The following SNX29 variants were observed in gnomAD, a reference collection of about 807,000 sequenced individuals.
The protein encoded by SNX29 is sorting nexin-29.
In SNX29, 78 loss-of-function variants were observed where a neutral mutation model predicts 102.1. The observed-to-expected ratio is 0.76, with a 90% confidence interval of 0.64 to 0.92. The LOEUF (loss-of-function observed/expected upper bound fraction) is 0.92, where lower values mean the gene tolerates loss of function less well. Ranked by LOEUF, SNX29 falls within the 40% of genes least tolerant of loss-of-function variation. SNX29 has a pLI of 0.00. For missense variants in SNX29, 1,280 were observed against 1,061.7 expected (o/e 1.21, Z -2.86); for synonymous variants, 580 against 414.5 (o/e 1.40, Z -4.85).
intron 10 of SNX29, among the ~76,000 whole-genome samples, chr16:12,077,389 GT>G (rs1316317858): frequency 7.9e-5 from 6 of 76,030 alleles, no homozygotes; most frequent in African/African-American, 1.3e-4. Flanking sequence ...TAGTCATGGT[GT>G]GTGTGTGTGT....
intron 14 of SNX29, among the ~76,000 whole-genome samples, chr16:12,213,083 C>T (rs1176790536): frequency 2.6e-4 from 39 of 152,156 alleles, no homozygotes; most frequent in Admixed American, 2.6e-3. Flanking sequence ...CACTGCACTC[C>T]AGCCTGGGTG....
chr16:12,433,083 C>T (rs528958080), intron 18 of SNX29, among the ~76,000 whole-genome samples: 1 of 152,282 alleles, frequency 6.6e-6, no homozygotes, highest in African/African-American at 2.4e-5. Context: ...GGAAACAAAA[C>T]CAATCACATG....
chr16:12,538,783 C>T (rs901706462), intron 20 of SNX29, among the ~76,000 whole-genome samples: 4 of 152,138 alleles, frequency 2.6e-5, no homozygotes, highest in South Asian at 4.1e-4. Context: ...GTCACATCGC[C>T]AAGGGGGATT....
chr16:12,052,229 T>C lies in SNX29; in HGVS notation c.1124+7T>C. The C allele has an allele frequency of 1.2e-6, 2 of 1,613,606 alleles. No homozygotes were observed. Among genetic ancestry groups the C allele is most frequent in the Non-Finnish European group, 1.7e-6 (2 of 1,179,778 alleles). On this transcript the variant is annotated splice_region_variant and intron_variant, in intron 8 of 20. Coordinates refer to ENST00000566228, the MANE Select transcript of SNX29 (RefSeq NM_032167.5). Reference sequence around the variant, plus strand: ...ACTCGGAGTCGCCCGAGAAGTAAGTTTGTGTGTAAGGTGGAGTCTCACCGT... The same window carrying C: ...ACTCGGAGTCGCCCGAGAAGTAAGTCTGTGTGTAAGGTGGAGTCTCACCGT...
intron 20 of SNX29, among the ~76,000 whole-genome samples, chr16:12,541,550 C>T (rs182970460): frequency 6.6e-6 from 1 of 152,230 alleles, no homozygotes; most frequent in African/African-American, 2.4e-5. Flanking sequence ...ATCAGCCTCC[C>T]TTTTCAAGCT....
At chr16:12,397,442 T>C (rs764315135) in intron 16 of SNX29, among the ~76,000 whole-genome samples, 10 of 152,322 alleles carry the variant, frequency 6.6e-5, no homozygotes, top group Non-Finnish European at 1.3e-4. Flanking sequence ...GGGAGAATGA[T>C]ACCTGTCCTC....
At chr16:12,062,021 G>A (rs754877241) in intron 9 of SNX29, among the ~76,000 whole-genome samples, 1 of 152,174 alleles carries the variant, frequency 6.6e-6, no homozygotes, top group Non-Finnish European at 1.5e-5. Context: ...CTGAACCCCT[G>A]TCTGTAAAGG....
chr16:12,126,772 A>G (rs2141387791), intron 12 of SNX29, 76 bp downstream of exon 12: 2 of 1,535,752 alleles, frequency 1.3e-6, no homozygotes, highest in South Asian at 1.2e-5. Context: ...AATATAACAG[A>G]TGAGGGACAT....
chr16:12,046,058 T>C (rs1454944721), intron 5 of SNX29, among the ~76,000 whole-genome samples: 1 of 152,256 alleles, frequency 6.6e-6, no homozygotes. Flanking sequence ...TGTCTGTCTC[T>C]TGGGGACGTT....
intron 11 of SNX29, among the ~76,000 whole-genome samples, chr16:12,108,722 G>C (rs1209075525): frequency 6.6e-6 from 1 of 152,168 alleles, no homozygotes; most frequent in Non-Finnish European, 1.5e-5. Context: ...GCCAGTGCAA[G>C]GGTTTGAACC....
At chr16:12,129,826 C>G (rs371392036) in intron 13 of SNX29, 68 bp downstream of exon 13, 2 of 1,489,244 alleles carry the variant, frequency 1.3e-6, no homozygotes, top group Admixed American at 2.2e-5. Flanking sequence ...CATACTGGGC[C>G]GGGCACGGTG....
chr16:12,128,204 C>T (rs370351175), intron 12 of SNX29, among the ~76,000 whole-genome samples: 5 of 152,328 alleles, frequency 3.3e-5, no homozygotes, highest in African/African-American at 9.6e-5. Flanking sequence ...GATTCTTTGT[C>T]CATGCTCCAG....
chr16:12,115,344 T>C (rs1246844451), intron 11 of SNX29, among the ~76,000 whole-genome samples: 4 of 152,090 alleles, frequency 2.6e-5, no homozygotes, highest in Non-Finnish European at 4.4e-5. Flanking sequence ...CTCATGCAGC[T>C]TTGAGAGCCA....
chr16:12,472,155 C>G (rs2087375571), intron 18 of SNX29, among the ~76,000 whole-genome samples: 1 of 152,218 alleles, frequency 6.6e-6, no homozygotes, highest in Admixed American at 6.5e-5. Context: ...AGCTGCATCT[C>G]ACGTCCACAG....
At position 12,403,192 on chromosome 16, in the gene SNX29, T is replaced by TTGTGTG. The variant is rs1321237155; in HGVS notation, c.1956-252_1956-247dup. 4.2e-4 allele frequency among the ~76,000 whole-genome samples: 54 copies of TTGTGTG among 129,714 alleles called. 2 individuals are homozygous for TTGTGTG. Among genetic ancestry groups the TTGTGTG allele is most frequent in the East Asian group, 9.1e-4 (4 of 4,378 alleles). 85.1% of individuals were successfully genotyped at this position (129,714 alleles called of 152,430 possible). A position where few individuals can be genotyped will look rare whatever the true frequency, so the allele number is the denominator to read the frequency against. On this transcript the variant is annotated intron_variant, in intron 17 of 20. Coordinates refer to ENST00000566228, the MANE Select transcript of SNX29 (RefSeq NM_032167.5). ...GCTCTTTCACATTCCGGAGTACAGA[T>TTGTGTG]TGTGTGTGTATGTGTGTGTGTGTGT...
At chr16:12,148,310 C>T (rs1028109457) in intron 13 of SNX29, among the ~76,000 whole-genome samples, 14 of 152,108 alleles carry the variant, frequency 9.2e-5, no homozygotes, top group South Asian at 4.1e-4. Context: ...GGCGACCTAG[C>T]GTGGGATAGG....
At chr16:12,565,476 A>G (rs1038642927) in intron 20 of SNX29, among the ~76,000 whole-genome samples, 14 of 152,022 alleles carry the variant, frequency 9.2e-5, no homozygotes, top group Admixed American at 3.3e-4. Flanking sequence ...TCAAACCATC[A>G]CAGCACCCCT....
At chr16:12,073,229 C>T (rs540444968) in intron 10 of SNX29, among the ~76,000 whole-genome samples, 1 of 152,114 alleles carries the variant, frequency 6.6e-6, no homozygotes, top group Non-Finnish European at 1.5e-5. Context: ...TGTGTTTGCT[C>T]TTGCTTTTTT....
At position 12,555,136 on chromosome 16, in the gene SNX29, A is replaced by G. The variant is rs571705799; in HGVS notation, c.2319-13370A>G. On this transcript the variant is annotated intron_variant, in intron 20 of 20. Coordinates refer to ENST00000566228, the MANE Select transcript of SNX29 (RefSeq NM_032167.5). ...TCAGAGTATCAAAAGGCTTATTCTC[A>G]GACTTGGTCCAGGAGTGACAGGGTC... Among the ~76,000 whole-genome samples the G allele has an allele frequency of 8.7e-3, 1,317 of 151,930 alleles. 16 individuals carry two copies. The highest frequency in any genetic ancestry group is 0.029 in the African/African-American group (1,215 of 41,460).
Sources: gnomAD v4.1 joint callset for allele counts (sites outside exome capture counted in the v4.1 genomes callset) on GRCh38, gnomAD v4.1.1 for gene constraint, MANE v1.5 for transcripts, NCBI Gene and HGNC (gene_info 2026-07-23, HGNC 2026-07-21) for gene names.